UBR3: variants seen among roughly 807,000 people sequenced by gnomAD.
UBR3 encodes the protein E3 ubiquitin-protein ligase UBR3.
A neutral mutation model predicts 243.2 loss-of-function variants in UBR3; 85 were observed. The observed-to-expected ratio is 0.35, with a 90% CI of 0.29 to 0.42. The LOEUF (loss-of-function observed/expected upper bound fraction) is 0.42. Ranked by LOEUF, UBR3 falls within the 10% of genes least tolerant of loss-of-function variation. The pLI is 1.00. For missense variants in UBR3, 1,686 were observed against 2,300.8 expected (o/e 0.73, Z 5.47); for synonymous variants, 748 against 799.8 (o/e 0.94, Z 1.09).
chr2:169,958,819 A>C (rs1209855538), intron 24 of UBR3, among the ~76,000 whole-genome samples: 1 of 152,154 alleles, frequency 6.6e-6, no homozygotes, highest in Non-Finnish European at 1.5e-5. Context: ...ATCAATGTAC[A>C]TTTACTTGTC....
intron 1 of UBR3, among the ~76,000 whole-genome samples, chr2:169,863,026 G>C (rs1312505834): frequency 1.3e-5 from 2 of 152,172 alleles, no homozygotes; most frequent in East Asian, 3.8e-4. Context: ...CTTACTTGTA[G>C]GGGAGCTTAT....
intron 23 of UBR3, among the ~76,000 whole-genome samples, chr2:169,954,656 A>C (rs1243404652): frequency 6.8e-5 from 10 of 147,820 alleles, no homozygotes; most frequent in African/African-American, 2.5e-4. Context: ...GCTCACTGCA[A>C]CCTCTGCCTC....
intron 31 of UBR3, among the ~76,000 whole-genome samples, chr2:170,039,416 G>C (rs939799238): frequency 3.9e-5 from 6 of 151,952 alleles, no homozygotes; most frequent in African/African-American, 7.3e-5. Flanking sequence ...GCCTTGCAGA[G>C]AGGCTAGATA....
intron 1 of UBR3, among the ~76,000 whole-genome samples, chr2:169,856,607 G>A (rs2082875582): frequency 6.6e-6 from 1 of 152,352 alleles, no homozygotes; most frequent in South Asian, 2.1e-4. Flanking sequence ...GAGGCTGGCA[G>A]ATCACTCGCA....
intron 4 of UBR3, among the ~76,000 whole-genome samples, chr2:169,878,022 A>T (rs1433775733): frequency 3.3e-5 from 5 of 152,186 alleles, no homozygotes; most frequent in African/African-American, 9.7e-5. Flanking sequence ...TCACTGGAGA[A>T]TTCCTATTGA....
chr2:169,921,098 T>C (rs1344773472), intron 11 of UBR3, among the ~76,000 whole-genome samples: 1 of 152,148 alleles, frequency 6.6e-6, no homozygotes, highest in Non-Finnish European at 1.5e-5. Flanking sequence ...TATAGGAGGC[T>C]TGTGAGAAGG....
At chr2:169,924,872 A>C (rs2085846855) in intron 13 of UBR3, among the ~76,000 whole-genome samples, 1 of 152,082 alleles carries the variant, frequency 6.6e-6, no homozygotes, top group Non-Finnish European at 1.5e-5. Context: ...GTCTCTACTG[A>C]ATATACAAAA....
At position 169,875,799 on chromosome 2, in the gene UBR3, G is replaced by T; in HGVS notation, c.694G>T (p.Gly232Ter). ...TTCTTTTTTTCTTTTAGCAGCTGATGGACCATCAGAAAAGGACCTTAACAA... is the reference window on the plus strand; with the variant it reads ...TTCTTTTTTTCTTTTAGCAGCTGATTGACCATCAGAAAAGGACCTTAACAA... ...REGYNEPAAD[G>*]PSEKDLNKVL... Residue 232 changes from glycine (G) to a stop codon, truncating the protein, a stop_gained, in exon 3 of 39, where the codon GGA becomes TGA. Transcript: ENST00000272793. LOFTEE classifies it high-confidence loss of function. 2 of 1,518,770 alleles carry T rather than the reference G, an allele frequency of 1.3e-6. No individual in the cohort carries two copies. The highest frequency in any genetic ancestry group is 2.3e-5 in the Admixed American group (1 of 42,810). 94.1% of individuals were successfully genotyped at this position (1,518,770 alleles called of 1,614,324 possible).
In UBR3 at chr2:169,852,866, A is replaced by C. The variant is rs991480282; in HGVS notation, c.546-19370A>C. The stretch of plus-strand genomic sequence containing the variant: ...ACTTCATCTCAAAAAAAAAAAAAAA[A>C]AAAAAAAAAAAACAAAACCAAACAA... On this transcript the variant is annotated intron_variant, in intron 1 of 38. Transcript: ENST00000272793. 3.3e-3 allele frequency among the ~76,000 whole-genome samples: 475 copies of C among 145,626 alleles called. 29 individuals are homozygous for C. Among genetic ancestry groups the C allele is most frequent in the Non-Finnish European group, 6.1e-3 (396 of 65,352 alleles).
chr2:170,052,555 G>C (rs554760277), intron 32 of UBR3, among the ~76,000 whole-genome samples: 4 of 152,184 alleles, frequency 2.6e-5, no homozygotes, highest in African/African-American at 9.7e-5. Flanking sequence ...CGACAGCATG[G>C]ATGAACCCAT....
At position 170,081,777 on chromosome 2, in the gene UBR3, A is replaced by G; in HGVS notation, c.5601A>G (p.Gln1867=). 1 of 1,609,450 alleles carries G rather than the reference A, an allele frequency of 6.2e-7. No homozygotes were observed. The highest frequency in any genetic ancestry group is 8.5e-7 in the Non-Finnish European group (1 of 1,177,524). The change falls in exon 39 of 39, where the codon CAA becomes CAG. Residue 1867 remains glutamine (Q), a synonymous_variant. Coordinates refer to ENST00000272793, the MANE Select transcript of UBR3 (RefSeq NM_172070.4). ...AGGAAAGATACAAAGTTCTTGAGCA[A>G]CAGTGGATTTCTCATACTTTTGATC... The part of the protein sequence containing the change: ...ICKERYKVLE[Q]QWISHTFDHI...
intron 24 of UBR3, among the ~76,000 whole-genome samples, chr2:169,983,729 G>A (rs2105386039): frequency 6.6e-6 from 1 of 152,290 alleles, no homozygotes; most frequent in Non-Finnish European, 1.5e-5. Context: ...AAGTGTAATA[G>A]CATTCAGAAG....
At chr2:169,846,828 G>A (rs568858778) in intron 1 of UBR3, among the ~76,000 whole-genome samples, 12 of 152,284 alleles carry the variant, frequency 7.9e-5, no homozygotes, top group African/African-American at 2.4e-4. Context: ...GACTTCGTGG[G>A]CTCAGGTGAT....
Position 170,029,412 on chromosome 2 carries a change from G to A in UBR3, c.4520G>A (p.Trp1507Ter). The change falls in exon 31 of 39, where the codon TGG (tryptophan) becomes TAG (stop). Residue 1507 changes from tryptophan to a stop codon, truncating the protein, a stop_gained. Transcript: ENST00000272793. LOFTEE classifies it high-confidence loss of function. ...LYSIDSEYNP[W>*]RKLTQLEEMN... is the part of the protein sequence containing the mutation. Reference sequence around the variant, plus strand: ...AGCATTGACTCTGAGTATAATCCCTGGAGAAAGCTCACCCAGTTAGAAGAG... The same window carrying A: ...AGCATTGACTCTGAGTATAATCCCTAGAGAAAGCTCACCCAGTTAGAAGAG... 1 of 1,611,184 alleles carries A rather than the reference G, an allele frequency of 6.2e-7. No individual in the cohort carries two copies. Among genetic ancestry groups the A allele is most frequent in the Non-Finnish European group, 8.5e-7 (1 of 1,178,466 alleles).
At chr2:169,950,655 A>G (rs923410434) in intron 23 of UBR3, among the ~76,000 whole-genome samples, 1 of 151,684 alleles carries the variant, frequency 6.6e-6, no homozygotes, top group African/African-American at 2.4e-5. Context: ...CTCAAGATAT[A>G]TACTATGTTA....
chr2:169,936,871 A>G (rs2086358547), intron 19 of UBR3, among the ~76,000 whole-genome samples: 3 of 152,258 alleles, frequency 2.0e-5, no homozygotes, highest in African/African-American at 7.2e-5. Context: ...TTATGGCTGC[A>G]TAGGATTCCA....
chr2:169,949,708 C>G lies in UBR3; in HGVS notation c.3188C>G (p.Pro1063Arg). The change falls in exon 23 of 39, where the codon CCC becomes CGC. Residue 1063 changes from proline to arginine, a missense_variant. Transcript: ENST00000272793. ...SSSEANQVVR[P>R]KTSSKWSAPG... ...AGTGAAGCAAATCAGGTGGTTCGTCCCAAAACTTCAAGTAAATGGTCTGCT... is the reference window on the plus strand; with the variant it reads ...AGTGAAGCAAATCAGGTGGTTCGTCGCAAAACTTCAAGTAAATGGTCTGCT... The G allele has an allele frequency of 6.4e-7, 1 of 1,551,490 alleles. No homozygotes were observed. Among genetic ancestry groups the G allele is most frequent in the Non-Finnish European group, 8.7e-7 (1 of 1,146,720 alleles).
chr2:170,070,835 G>A (rs1418565588), intron 35 of UBR3, among the ~76,000 whole-genome samples: 2 of 152,106 alleles, frequency 1.3e-5, no homozygotes, highest in African/African-American at 4.8e-5. Context: ...TAACATTTAT[G>A]GTATGTGGCT....
chr2:170,054,999 C>A (rs1222583005), intron 32 of UBR3, among the ~76,000 whole-genome samples: 3 of 152,112 alleles, frequency 2.0e-5, no homozygotes, highest in Non-Finnish European at 2.9e-5. Context: ...TGTTGGGCAG[C>A]AAATATAATA....
Sources: gnomAD v4.1 joint callset for allele counts (sites outside exome capture counted in the v4.1 genomes callset) on GRCh38, gnomAD v4.1.1 for gene constraint, MANE v1.5 for transcripts, NCBI Gene and HGNC (gene_info 2026-07-23, HGNC 2026-07-21) for gene names.